The following NRP1 variants were observed in gnomAD, a reference collection of about 807,000 sequenced individuals.
The protein encoded by NRP1 is neuropilin-1.
Under a neutral mutation model 106.7 loss-of-function variants are expected in NRP1, and 35 were observed. That is an observed-to-expected ratio of 0.33 (90% CI 0.25 to 0.43). NRP1 has a LOEUF of 0.43. NRP1 is among the 20% of genes least tolerant of loss of function. The pLI is 1.00. For synonymous variants in NRP1, 437 were observed against 417.9 expected (o/e 1.05, Z -0.56); for missense variants, 1,024 against 1,170.4 (o/e 0.87, Z 1.83).
chr10:33,332,556 T>A (rs1452220739), intron 1 of NRP1, among the ~76,000 whole-genome samples: 1 of 152,230 alleles, frequency 6.6e-6, no homozygotes, highest in Non-Finnish European at 1.5e-5. Context: ...CTTTAATCTG[T>A]GACTTCTGAG....
At chr10:33,206,419 A>T (rs1837788546) in intron 10 of NRP1, 1 of 465,408 alleles carries the variant, frequency 2.1e-6, no homozygotes, top group Admixed American at 2.3e-5. Flanking sequence ...GAAGAATAGG[A>T]GAAAATGGCC....
intron 2 of NRP1, among the ~76,000 whole-genome samples, chr10:33,285,922 C>T (rs1238587113): frequency 2.6e-5 from 4 of 152,136 alleles, no homozygotes; most frequent in African/African-American, 9.7e-5. Flanking sequence ...AGACAGGAAG[C>T]TCATCCCATC....
chr10:33,329,023 C>T (rs911530230), intron 2 of NRP1, among the ~76,000 whole-genome samples: 14 of 152,018 alleles, frequency 9.2e-5, no homozygotes, highest in Non-Finnish European at 1.6e-4. Context: ...GGTCAAAAAG[C>T]AAATACTAAT....
intron 6 of NRP1, among the ~76,000 whole-genome samples, chr10:33,231,427 T>C (rs2132990593): frequency 6.6e-6 from 1 of 152,338 alleles, no homozygotes; most frequent in East Asian, 1.9e-4. Flanking sequence ...GCAAAGTACC[T>C]GTGAATATTT....
intron 2 of NRP1, among the ~76,000 whole-genome samples, chr10:33,293,590 A>C (rs1359553406): frequency 6.6e-6 from 1 of 152,236 alleles, no homozygotes; most frequent in East Asian, 1.9e-4. Flanking sequence ...CCAACCGTCC[A>C]CAGCAAAGTC....
intron 10 of NRP1, 77 bp from the exon 11 acceptor site, chr10:33,203,072 C>T (rs1197364739): frequency 8.3e-6 from 12 of 1,448,616 alleles, no homozygotes; most frequent in Middle Eastern, 2.3e-4. Context: ...GATCTGCTAA[C>T]GCTTATGCAG....
intron 6 of NRP1, among the ~76,000 whole-genome samples, chr10:33,247,757 G>T (rs1241475840): frequency 1.3e-5 from 2 of 152,170 alleles, no homozygotes; most frequent in Non-Finnish European, 2.9e-5. Context: ...CAATGCACGC[G>T]CTGGCCACGG....
chr10:33,230,277 G>C (rs1458564810), intron 6 of NRP1, among the ~76,000 whole-genome samples: 1 of 152,202 alleles, frequency 6.6e-6, no homozygotes, highest in Non-Finnish European at 1.5e-5. Context: ...GTCTGTGTCA[G>C]GAGACCTAGA....
At chr10:33,262,936 G>A (rs1350107097) in intron 4 of NRP1, among the ~76,000 whole-genome samples, 2 of 152,144 alleles carry the variant, frequency 1.3e-5, no homozygotes, top group African/African-American at 4.8e-5. Flanking sequence ...AACTCCAAAG[G>A]GCAGCATCTT....
intron 2 of NRP1, among the ~76,000 whole-genome samples, chr10:33,283,903 C>T (rs1382544465): frequency 1.3e-5 from 2 of 152,180 alleles, no homozygotes; most frequent in African/African-American, 2.4e-5. Context: ...TGGTTGAACA[C>T]ATTTCAAACT....
At chr10:33,315,630 T>C (rs984592287) in intron 2 of NRP1, among the ~76,000 whole-genome samples, 1 of 152,188 alleles carries the variant, frequency 6.6e-6, no homozygotes, top group Non-Finnish European at 1.5e-5. Flanking sequence ...AATAGTGGAA[T>C]AATATTAATG....
chr10:33,272,028 G>A (rs1843341452), intron 2 of NRP1, among the ~76,000 whole-genome samples: 1 of 152,196 alleles, frequency 6.6e-6, no homozygotes, highest in Admixed American at 6.5e-5. Context: ...AAATATGGCA[G>A]TAACATAAAC....
At chr10:33,324,827 G>T (rs1285430540) in intron 2 of NRP1, among the ~76,000 whole-genome samples, 3 of 152,060 alleles carry the variant, frequency 2.0e-5, no homozygotes. Flanking sequence ...TAGTAGAGAC[G>T]GGGTTTCACC....
intron 6 of NRP1, among the ~76,000 whole-genome samples, chr10:33,239,382 A>ATT (rs1840833889): frequency 6.6e-6 from 1 of 152,324 alleles, no homozygotes; most frequent in Admixed American, 6.5e-5. Context: ...TGTTTGTTGA[A>ATT]TTTAAATTCG....
intron 2 of NRP1, among the ~76,000 whole-genome samples, chr10:33,277,552 C>T (rs569826623): frequency 4.6e-5 from 7 of 152,250 alleles, no homozygotes; most frequent in Admixed American, 1.3e-4. Flanking sequence ...GCTATGGGGC[C>T]TGAGCCTCAG....
intron 3 of NRP1, among the ~76,000 whole-genome samples, chr10:33,268,806 G>A (rs1843098925): frequency 6.6e-6 from 1 of 152,158 alleles, no homozygotes; most frequent in East Asian, 1.9e-4. Context: ...CTAAAAATAT[G>A]TACATCCATC....
At chr10:33,263,586 G>T in intron 4 of NRP1, 60 bp downstream of exon 4, 2 of 1,278,824 alleles carry the variant, frequency 1.6e-6, no homozygotes, top group Admixed American at 1.9e-5. Flanking sequence ...ACTTGTAAAA[G>T]AATACTGGTG....
intron 2 of NRP1, among the ~76,000 whole-genome samples, chr10:33,291,806 T>C (rs1353551244): frequency 6.6e-6 from 1 of 152,250 alleles, no homozygotes; most frequent in Non-Finnish European, 1.5e-5. Context: ...GAAAATTGTC[T>C]GTTTCAATAT....
intron 13 of NRP1, among the ~76,000 whole-genome samples, chr10:33,187,639 G>A (rs1350498181): frequency 1.3e-5 from 2 of 152,188 alleles, no homozygotes; most frequent in East Asian, 3.9e-4. Context: ...GCCACCACCT[G>A]GTCAACACAG....
Sources: allele counts gnomAD v4.1 joint callset (sites outside exome capture counted in the v4.1 genomes callset), GRCh38; gene constraint gnomAD v4.1.1; transcripts MANE v1.5; gene names NCBI Gene and HGNC (gene_info 2026-07-23, HGNC 2026-07-21).